RAB14: variants seen among roughly 807,000 people sequenced by gnomAD.
RAB14 encodes the protein RAB14, member RAS oncogene family.
RAB14 carries 3 observed loss-of-function variants against 31.1 expected under a neutral mutation model. The ratio of observed to expected loss-of-function variants is 0.10; its 90% CI spans 0.04 to 0.25. The LOEUF is 0.25. RAB14 is among the 10% of genes least tolerant of loss of function. The probability of loss-of-function intolerance (pLI) is 1.00; values close to 1 mark genes in which losing one functional copy is unlikely to be tolerated. For synonymous variants in RAB14, 85 were observed against 84.9 expected, an observed-to-expected ratio of 1.00 and a Z score of 0.00; for missense variants, 111 against 260.1, an observed-to-expected ratio of 0.43 and a Z score of 3.94.
In RAB14 at chr9:121,180,579, G is replaced by GT. The variant is rs1235505962; in HGVS notation, c.*816dup. ...AGTACTACTTGTGAACTGCAGTTGT[G>GT]TCTATTTCTTTGTGTGAAATGGAAG... On this transcript the variant is annotated 3_prime_UTR_variant, in exon 8 of 8. Transcript: ENST00000373840. The GT allele has an allele frequency of 6.6e-6, 1 of 152,588 alleles. No homozygotes were observed. The highest frequency in any genetic ancestry group is 1.5e-5 in the Non-Finnish European group (1 of 68,040). The allele number at this position is 152,588 out of a possible 1,614,324, so 9.5% of individuals were successfully genotyped here.
intron 5 of RAB14, among the ~76,000 whole-genome samples, chr9:121,186,398 T>C (rs1401826570): frequency 6.6e-6 from 1 of 152,198 alleles, no homozygotes; most frequent in African/African-American, 2.4e-5. Context: ...TTTATCTTTG[T>C]ATACTGCAGA....
intron 2 of RAB14, among the ~76,000 whole-genome samples, chr9:121,192,691 A>G (rs2053693647): frequency 6.6e-6 from 1 of 152,146 alleles, no homozygotes; most frequent in South Asian, 2.1e-4. Flanking sequence ...CTATGAAAGA[A>G]AAGAATTTGC....
chr9:121,181,606 C>T (rs2296078), intron 7 of RAB14, 33 bp from the exon 8 acceptor site: 677,695 of 1,540,756 alleles, frequency 0.44, 155,734 homozygotes, highest in South Asian at 0.65. Flanking sequence ...ATTGGAGAAC[C>T]ACAGTTTTCT....
At position 121,178,957 on chromosome 9, in the gene RAB14, A is replaced by G. The variant is rs977813719; in HGVS notation, c.*2439T>C. On this transcript the variant is annotated 3_prime_UTR_variant, in exon 8 of 8. Transcript: ENST00000373840. ...GGCACACGCATGTTACAATATGACAATCTGCTCTATTTGTGAGCACCTGAG... is the reference window on the plus strand; with the variant it reads ...GGCACACGCATGTTACAATATGACAGTCTGCTCTATTTGTGAGCACCTGAG... 1 of 152,218 alleles carries G rather than the reference A, an allele frequency of 6.6e-6. No homozygotes were observed. The highest frequency in any genetic ancestry group is 1.5e-5 in the Non-Finnish European group (1 of 68,024). The allele number at this position is 152,218 out of a possible 1,614,324, so 9.4% of individuals were successfully genotyped here.
chr9:121,185,505 T>C (rs1460590922), intron 5 of RAB14, among the ~76,000 whole-genome samples: 1 of 152,080 alleles, frequency 6.6e-6, no homozygotes, highest in East Asian at 1.9e-4. Flanking sequence ...AACTGTTCTA[T>C]CACTACAAAG....
At chr9:121,193,477 C>T (rs1445632880) in intron 1 of RAB14, 58 bp from the exon 2 acceptor site, 3 of 1,127,438 alleles carry the variant, frequency 2.7e-6, no homozygotes, top group African/African-American at 3.2e-5. Flanking sequence ...GTAATTCAAA[C>T]GGATGACTGA....
intron 6 of RAB14, 33 bp downstream of exon 6, chr9:121,183,278 C>T (rs1209660638): frequency 1.3e-6 from 2 of 1,536,104 alleles, no homozygotes; most frequent in Non-Finnish European, 1.8e-6. Flanking sequence ...AAAATTCTCC[C>T]AATTGTGACC....
At chr9:121,183,451 C>T in intron 5 of RAB14, 53 bp from the exon 6 acceptor site, 2 of 1,372,806 alleles carry the variant, frequency 1.5e-6, no homozygotes, top group South Asian at 2.5e-5. Context: ...TAATTTAAAC[C>T]AACCATGCAA....
chr9:121,181,616 TACAAAAG>T (rs764007315), intron 7 of RAB14, 43 bp from the exon 8 acceptor site: 1 of 1,501,910 alleles, frequency 6.7e-7, no homozygotes, highest in Non-Finnish European at 9.1e-7. Flanking sequence ...CACAGTTTTC[TACAAAAG>T]ACAAGACACT....
At chr9:121,192,837 T>C (rs144056505) in intron 2 of RAB14, among the ~76,000 whole-genome samples, 24 of 152,260 alleles carry the variant, frequency 1.6e-4, no homozygotes, top group African/African-American at 5.3e-4. Flanking sequence ...GAACAATTCA[T>C]TGAAAAACGT....
chr9:121,182,936 G>C lies in RAB14; in HGVS notation c.464C>G (p.Ala155Gly). 2 of 1,607,238 alleles carry C rather than the reference G, an allele frequency of 1.2e-6. No homozygotes were observed. Among genetic ancestry groups the C allele is most frequent in the Non-Finnish European group, 1.7e-6 (2 of 1,175,444 alleles). ...ENGLLFLEAS[A>G]KTGENVEDAF... Reference sequence around the variant, plus strand: ...GTATTTTGGTCACACTTACGTTTTTGCACTCGCTTCGAGGAACAATAAGCC... The same window carrying C: ...GTATTTTGGTCACACTTACGTTTTTCCACTCGCTTCGAGGAACAATAAGCC... The change falls in exon 7 of 8, where the codon GCA (alanine) becomes GGA (glycine). Residue 155 changes from alanine to glycine, a missense_variant. Ala to Gly is a moderately conservative substitution (Grantham distance 60). Coordinates refer to ENST00000373840, the MANE Select transcript of RAB14 (RefSeq NM_016322.4).
In RAB14 at chr9:121,182,950, GAAC is replaced by G; in HGVS notation, c.447_449del (p.Leu149del). 6.2e-7 allele frequency: 1 copy of G among 1,604,944 alleles called. No individual in the cohort carries two copies. Among genetic ancestry groups the G allele is most frequent in the Non-Finnish European group, 8.5e-7 (1 of 1,173,570 alleles). On this transcript the variant is annotated inframe_deletion, in exon 7 of 8. Transcript: ENST00000373840. ...CTTACGTTTTTGCACTCGCTTCGAGGAACAATAAGCCTAAAAATAAAATTCAGA... is the reference window on the plus strand; with the variant it reads ...CTTACGTTTTTGCACTCGCTTCGAGGAATAAGCCTAAAAATAAAATTCAGA...
At chr9:121,183,601 G>T (rs1310884465) in intron 5 of RAB14, among the ~76,000 whole-genome samples, 3 of 152,138 alleles carry the variant, frequency 2.0e-5, no homozygotes, top group African/African-American at 7.2e-5. Flanking sequence ...CTAGGTCAGG[G>T]GTTGACAAAC....
intron 1 of RAB14, among the ~76,000 whole-genome samples, chr9:121,200,820 T>C (rs1040621211): frequency 6.6e-6 from 1 of 152,158 alleles, no homozygotes; most frequent in Non-Finnish European, 1.5e-5. Context: ...AGACAACTTA[T>C]CTCCGAGGGC....
intron 4 of RAB14, 127 bp from the exon 5 acceptor site, chr9:121,187,146 C>G (rs2053663168): frequency 3.9e-6 from 2 of 509,154 alleles, no homozygotes; most frequent in African/African-American, 4.0e-5. Flanking sequence ...TTACTCAGAA[C>G]AGTAGTTGTG....
At chr9:121,181,851 G>C (rs908317608) in intron 7 of RAB14, among the ~76,000 whole-genome samples, 4 of 145,628 alleles carry the variant, frequency 2.7e-5, no homozygotes, top group South Asian at 2.3e-4. Flanking sequence ...AAGTTCAAGC[G>C]ATTCTCCTGC....
intron 6 of RAB14, 70 bp from the exon 7 acceptor site, chr9:121,183,030 T>C (rs1024515690): frequency 1.9e-5 from 27 of 1,441,026 alleles, no homozygotes; most frequent in African/African-American, 1.3e-4. Flanking sequence ...TTTAGTAACA[T>C]CTGAAAAAGT....
chr9:121,182,166 C>T (rs935903549), intron 7 of RAB14, among the ~76,000 whole-genome samples: 12 of 152,170 alleles, frequency 7.9e-5, no homozygotes, highest in African/African-American at 2.2e-4. Context: ...TGTTAATACA[C>T]ACCATGACAA....
In RAB14 at chr9:121,178,810, C is replaced by T. The variant is rs2053614555; in HGVS notation, c.*2586G>A. The T allele has an allele frequency of 6.6e-6, 1 of 152,188 alleles. No individual in the cohort carries two copies. The highest frequency in any genetic ancestry group is 1.5e-5 in the Non-Finnish European group (1 of 68,040). The allele number at this position is 152,188 out of a possible 1,614,324, so 9.4% of individuals were successfully genotyped here. ...TAAGCACCAATTACTAATCTGAAGGCCTCCTCACAGGTCCAAGGGCAATGA... is the reference window on the plus strand; with the variant it reads ...TAAGCACCAATTACTAATCTGAAGGTCTCCTCACAGGTCCAAGGGCAATGA... On this transcript the variant is annotated 3_prime_UTR_variant, in exon 8 of 8. Transcript: ENST00000373840.
Sources: allele counts gnomAD v4.1 joint callset (sites outside exome capture counted in the v4.1 genomes callset), GRCh38; gene constraint gnomAD v4.1.1; transcripts MANE v1.5; gene names NCBI Gene and HGNC (gene_info 2026-07-23, HGNC 2026-07-21).